The following CYP2C19 variants were observed in gnomAD, a reference collection of about 807,000 sequenced individuals.
CYP2C19 encodes cytochrome P450 2C19.
A neutral mutation model predicts 40.9 loss-of-function variants in CYP2C19; 59 were observed. The ratio of observed to expected loss-of-function variants is 1.44; its 90% CI spans 1.17 to 1.79. The LOEUF is 1.79. CYP2C19 is among the 40% of genes most tolerant of loss of function. The pLI, the probability that CYP2C19 is intolerant of heterozygous loss-of-function variation, is 0.00. For synonymous variants in CYP2C19, 253 were observed against 208.7 expected (o/e 1.21, Z -1.83); for missense variants, 754 against 596.9 (o/e 1.26, Z -2.74).
intron 5 of CYP2C19, among the ~76,000 whole-genome samples, chr10:94,818,897 G>T (rs1482370383): frequency 6.6e-6 from 1 of 152,050 alleles, no homozygotes; most frequent in Admixed American, 6.6e-5. Flanking sequence ...TCTCCTGCCT[G>T]ATTGCCCTGG....
intron 7 of CYP2C19, 29 bp from the exon 8 acceptor site, chr10:94,849,888 C>A (rs754170680): frequency 1.4e-5 from 23 of 1,613,024 alleles, no homozygotes; most frequent in South Asian, 2.2e-5. Flanking sequence ...TTCTTTACAG[C>A]TCAGTTCACC....
intron 5 of CYP2C19, among the ~76,000 whole-genome samples, chr10:94,796,253 G>A (rs1848684778): frequency 6.6e-6 from 1 of 152,094 alleles, no homozygotes; most frequent in Non-Finnish European, 1.5e-5. Context: ...TGTTAAACAG[G>A]GAATCCTTTC....
intron 7 of CYP2C19, among the ~76,000 whole-genome samples, chr10:94,849,585 C>G (rs1427363837): frequency 6.7e-6 from 1 of 149,898 alleles, no homozygotes; most frequent in Non-Finnish European, 1.5e-5. Context: ...CACCCATTAA[C>G]TCATCATTTA....
intron 6 of CYP2C19, among the ~76,000 whole-genome samples, chr10:94,842,389 T>G (rs1313614088): frequency 7.8e-6 from 1 of 128,878 alleles, no homozygotes; most frequent in Non-Finnish European, 1.6e-5. Context: ...TTTTTTTAAG[T>G]GAAGTTTTTT....
At chr10:94,787,029 G>A (rs1482823192) in intron 5 of CYP2C19, among the ~76,000 whole-genome samples, 1 of 152,100 alleles carries the variant, frequency 6.6e-6, no homozygotes, top group Non-Finnish European at 1.5e-5. Context: ...TGGAATTGCT[G>A]CATCAAATGA....
chr10:94,785,140 T>C (rs766698934), intron 5 of CYP2C19, among the ~76,000 whole-genome samples: 2 of 152,142 alleles, frequency 1.3e-5, no homozygotes, highest in East Asian at 1.9e-4. Flanking sequence ...TTCCTAATTA[T>C]ATTTTTGATG....
intron 5 of CYP2C19, among the ~76,000 whole-genome samples, chr10:94,790,573 GA>G (rs1564665864): frequency 6.6e-6 from 1 of 152,060 alleles, no homozygotes; most frequent in African/African-American, 2.4e-5. Flanking sequence ...GAATTTTGTC[GA>G]AGGCCTTTTC....
intron 5 of CYP2C19, among the ~76,000 whole-genome samples, chr10:94,815,719 C>T (rs1466975305): frequency 1.3e-5 from 2 of 152,120 alleles, no homozygotes; most frequent in South Asian, 4.1e-4. Context: ...CTGTTGCCTC[C>T]CATATAGATT....
chr10:94,770,780 T>G (rs527998869), intron 1 of CYP2C19, among the ~76,000 whole-genome samples: 5 of 152,282 alleles, frequency 3.3e-5, no homozygotes, highest in Non-Finnish European at 5.9e-5. Flanking sequence ...TTTTTCCTAA[T>G]TCTCCTTACT....
At chr10:94,812,443 C>T (rs1000540739) in intron 5 of CYP2C19, among the ~76,000 whole-genome samples, 121 of 152,076 alleles carry the variant, frequency 8.0e-4, no homozygotes, top group African/African-American at 2.8e-3. Flanking sequence ...TGTGGAAGTT[C>T]TCCTGGATAA....
chr10:94,802,044 C>T (rs1452521778), intron 5 of CYP2C19, among the ~76,000 whole-genome samples: 1 of 152,086 alleles, frequency 6.6e-6, no homozygotes, highest in African/African-American at 2.4e-5. Context: ...AGCTTTTATT[C>T]CCTTATTTGT....
chr10:94,784,917 T>C (rs994770222), intron 5 of CYP2C19, among the ~76,000 whole-genome samples: 6 of 152,110 alleles, frequency 3.9e-5, no homozygotes, highest in Non-Finnish European at 8.8e-5. Context: ...TTGTATTTAA[T>C]GACCAGTGAT....
At chr10:94,827,716 T>A (rs533182086) in intron 6 of CYP2C19, among the ~76,000 whole-genome samples, 1 of 152,224 alleles carries the variant, frequency 6.6e-6, no homozygotes, top group Non-Finnish European at 1.5e-5. Flanking sequence ...CATTTGAATG[T>A]GTTTGCTCTT....
At chr10:94,831,041 G>T (rs1564679677) in intron 6 of CYP2C19, among the ~76,000 whole-genome samples, 1 of 152,044 alleles carries the variant, frequency 6.6e-6, no homozygotes, top group Non-Finnish European at 1.5e-5. Context: ...TCCCTTTCAA[G>T]TATCTGGTAG....
At chr10:94,811,117 T>C (rs975470079) in intron 5 of CYP2C19, among the ~76,000 whole-genome samples, 3 of 152,216 alleles carry the variant, frequency 2.0e-5, no homozygotes, top group Non-Finnish European at 2.9e-5. Context: ...AACATCTTTA[T>C]TTTGCCTTCA....
intron 5 of CYP2C19, among the ~76,000 whole-genome samples, chr10:94,795,713 G>C (rs1292908086): frequency 1.3e-5 from 2 of 152,090 alleles, no homozygotes; most frequent in East Asian, 1.9e-4. Context: ...GTGTGAGATG[G>C]TATCTCATTG....
In CYP2C19 at chr10:94,842,944, A is replaced by G. The variant is rs781479929; in HGVS notation, c.1069A>G (p.Arg357Gly). 6 of 1,614,086 alleles carry G rather than the reference A, an allele frequency of 3.7e-6. No homozygotes were observed. The highest frequency in any genetic ancestry group is 5.1e-6 in the Non-Finnish European group (6 of 1,180,040). Residue 357 changes from arginine (R) to glycine (G), a missense_variant, in exon 7 of 9, where the codon AGA (arginine) becomes GGA (glycine). Transcript: ENST00000371321. The stretch of plus-strand genomic sequence containing the variant: ...AGATGCTGTGGTGCACGAGGTCCAG[A>G]GATACATCGACCTCATCCCCACCAG... ...YTDAVVHEVQ[R>G]YIDLIPTSLP...
chr10:94,847,894 C>T (rs1025678808), intron 7 of CYP2C19, among the ~76,000 whole-genome samples: 2 of 152,152 alleles, frequency 1.3e-5, no homozygotes, highest in African/African-American at 4.8e-5. Flanking sequence ...AGTGTCTGTT[C>T]ATATCCTTCA....
At chr10:94,795,463 T>A (rs1848670094) in intron 5 of CYP2C19, among the ~76,000 whole-genome samples, 1 of 152,148 alleles carries the variant, frequency 6.6e-6, no homozygotes, top group Admixed American at 6.6e-5. Flanking sequence ...GCAATAAATG[T>A]ACATGTGCAT....
Sources: allele counts gnomAD v4.1 joint callset (sites outside exome capture counted in the v4.1 genomes callset), GRCh38; gene constraint gnomAD v4.1.1; transcripts MANE v1.5; gene names NCBI Gene and HGNC (gene_info 2026-07-23, HGNC 2026-07-21).